Variants in MGLL observed in about 807,000 individuals in gnomAD.
MGLL encodes the protein monoglyceride lipase.
A neutral mutation model predicts 29.1 loss-of-function variants in MGLL; 7 were observed. That is an observed-to-expected ratio of 0.24 (90% confidence interval 0.14 to 0.45). The LOEUF is 0.45. Ranked by LOEUF, MGLL falls within the 20% of genes least tolerant of loss-of-function variation. MGLL has a pLI of 0.99. For missense variants in MGLL, 356 were observed against 413.6 expected (o/e 0.86, Z 1.21); for synonymous variants, 148 against 168.3 (o/e 0.88, Z 0.93).
At chr3:127,780,883 C>T (rs2077112785) in intron 3 of MGLL, among the ~76,000 whole-genome samples, 3 of 152,204 alleles carry the variant, frequency 2.0e-5, no homozygotes, top group African/African-American at 4.8e-5. Flanking sequence ...GGGAAATCAC[C>T]GTGTTCAGTC....
chr3:127,751,201 C>G (rs1290491683), intron 3 of MGLL, among the ~76,000 whole-genome samples: 1 of 152,124 alleles, frequency 6.6e-6, no homozygotes, highest in African/African-American at 2.4e-5. Context: ...CTCGGTCATT[C>G]GGTAGGCTGA....
chr3:127,693,152 C>G (rs1177402680), intron 7 of MGLL, among the ~76,000 whole-genome samples: 1 of 152,208 alleles, frequency 6.6e-6, no homozygotes, highest in African/African-American at 2.4e-5. Flanking sequence ...CCGTTGCTCA[C>G]GTCAGTCTCT....
At chr3:127,693,982 A>C (rs2075297153) in intron 7 of MGLL, among the ~76,000 whole-genome samples, 2 of 152,186 alleles carry the variant, frequency 1.3e-5, no homozygotes, top group Admixed American at 6.5e-5. Flanking sequence ...CTTTTAAAAA[A>C]TATATTTTGC....
intron 3 of MGLL, among the ~76,000 whole-genome samples, chr3:127,726,969 G>A (rs558769997): frequency 1.3e-4 from 20 of 152,246 alleles, no homozygotes; most frequent in African/African-American, 4.3e-4. Context: ...TTGTCTCCAA[G>A]TATTTTACAG....
At chr3:127,722,261 G>C (rs775048779) in intron 4 of MGLL, among the ~76,000 whole-genome samples, 169 bp downstream of exon 4, 9 of 152,228 alleles carry the variant, frequency 5.9e-5, no homozygotes, top group Non-Finnish European at 8.8e-5. Flanking sequence ...AGCCTCCCTT[G>C]TTTCCTAAGC....
At chr3:127,782,472 T>A (rs2077144458) in intron 2 of MGLL, among the ~76,000 whole-genome samples, 1 of 152,122 alleles carries the variant, frequency 6.6e-6, no homozygotes, top group Non-Finnish European at 1.5e-5. Context: ...TGTAACATGG[T>A]AAGAAGAGCA....
chr3:127,810,212 T>G (rs1156961754), intron 2 of MGLL, among the ~76,000 whole-genome samples: 1 of 152,196 alleles, frequency 6.6e-6, no homozygotes, highest in Non-Finnish European at 1.5e-5. Context: ...ATCAACCCTG[T>G]TGACGCCTTG....
intron 2 of MGLL, among the ~76,000 whole-genome samples, chr3:127,790,953 G>A (rs139357568): frequency 0.011 from 1,741 of 152,210 alleles, 43 homozygotes; most frequent in South Asian, 0.095. Context: ...GGGGGTAGCC[G>A]GCCCCAGTGC....
intron 6 of MGLL, among the ~76,000 whole-genome samples, chr3:127,701,123 G>A (rs2075472356): frequency 1.3e-5 from 2 of 149,150 alleles, no homozygotes; most frequent in South Asian, 4.3e-4. Flanking sequence ...GCTGAGGTGG[G>A]AGGATTGCTT....
intron 2 of MGLL, among the ~76,000 whole-genome samples, chr3:127,785,481 G>C (rs2107714320): frequency 6.6e-6 from 1 of 152,340 alleles, no homozygotes; most frequent in Non-Finnish European, 1.5e-5. Flanking sequence ...TTCTATTTCT[G>C]CTCCAAATAT....
chr3:127,729,470 AC>A (rs1559928991), intron 3 of MGLL, among the ~76,000 whole-genome samples: 1 of 151,974 alleles, frequency 6.6e-6, no homozygotes, highest in East Asian at 1.9e-4. Flanking sequence ...CTTTTACCAG[AC>A]CTTTTTTTCA....
At position 127,798,355 on chromosome 3, in the gene MGLL, ACCTTCAGCTTCAG is replaced by A. The variant is rs547666111; in HGVS notation, c.156-16473_156-16461del. Among the ~76,000 whole-genome samples the A allele has an allele frequency of 2.5e-4, 38 of 152,112 alleles. No homozygotes were observed. In the East Asian group the frequency reaches 7.1e-3, roughly 29 times the overall value. On this transcript the variant is annotated intron_variant, in intron 2 of 7. Transcript: ENST00000265052. ...AGGCAGCACGTCTCTCTGAGCTCCC[ACCTTCAGCTTCAG>A]CCTCTGCTTTGCTCTGAGTCACAGT...
chr3:127,727,196 T>C (rs1009442041), intron 3 of MGLL, among the ~76,000 whole-genome samples: 1 of 152,182 alleles, frequency 6.6e-6, no homozygotes, highest in Non-Finnish European at 1.5e-5. Flanking sequence ...TATAATTTCC[T>C]TGTCCCAGAT....
At chr3:127,815,215 C>T (rs896433442) in intron 2 of MGLL, among the ~76,000 whole-genome samples, 4 of 152,230 alleles carry the variant, frequency 2.6e-5, no homozygotes, top group African/African-American at 9.7e-5. Context: ...CCCCTCCTGG[C>T]TTATCCCATG....
At chr3:127,748,300 G>C (rs922725176) in intron 3 of MGLL, among the ~76,000 whole-genome samples, 1 of 151,910 alleles carries the variant, frequency 6.6e-6, no homozygotes, top group Non-Finnish European at 1.5e-5. Context: ...TGAGGGTTAC[G>C]CATCGCAGTC....
At chr3:127,786,565 C>T (rs2077216464) in intron 2 of MGLL, among the ~76,000 whole-genome samples, 1 of 152,224 alleles carries the variant, frequency 6.6e-6, no homozygotes, top group South Asian at 2.1e-4. Flanking sequence ...GGGACAGCTC[C>T]CAATAAAGCA....
At chr3:127,800,292 C>T (rs770149829) in intron 2 of MGLL, among the ~76,000 whole-genome samples, 1 of 152,230 alleles carries the variant, frequency 6.6e-6, no homozygotes, top group Non-Finnish European at 1.5e-5. Flanking sequence ...ATAAACCTCT[C>T]TCTTATTTCA....
At chr3:127,748,038 C>T (rs550741844) in intron 3 of MGLL, among the ~76,000 whole-genome samples, 3 of 152,270 alleles carry the variant, frequency 2.0e-5, no homozygotes, top group Non-Finnish European at 2.9e-5. Context: ...GCCACAGCGT[C>T]TGGTATTAAG....
intron 3 of MGLL, among the ~76,000 whole-genome samples, chr3:127,728,366 CTCTG>C (rs1474701830): frequency 2.5e-4 from 38 of 152,318 alleles, no homozygotes; most frequent in Non-Finnish European, 5.3e-4. Flanking sequence ...TCTATCTATT[CTCTG>C]TCTAATCTAT....
Sources: gnomAD v4.1 joint callset for allele counts (sites outside exome capture counted in the v4.1 genomes callset) on GRCh38, gnomAD v4.1.1 for gene constraint, MANE v1.5 for transcripts, NCBI Gene and HGNC (gene_info 2026-07-23, HGNC 2026-07-21) for gene names.